The following COBL variants were observed in gnomAD, a reference collection of about 807,000 sequenced individuals.
The protein encoded by COBL is cordon-bleu WH2 repeat protein.
In COBL, 51 loss-of-function variants were observed where a neutral mutation model predicts 98.8. The observed-to-expected ratio is 0.52, with a 90% CI of 0.41 to 0.65. COBL has a LOEUF of 0.65. Ranked by LOEUF, COBL falls within the 30% of genes least tolerant of loss-of-function variation. The pLI is 0.00. For synonymous variants in COBL, 634 were observed against 651.7 expected, an observed-to-expected ratio of 0.97 and a Z score of 0.41; for missense variants, 1,617 against 1,617.5, an observed-to-expected ratio of 1.00 and a Z score of 0.01.
In COBL at chr7:51,096,483, T is replaced by G. The variant is rs187758583; in HGVS notation, c.958-11179A>C. ...ACTGAAAGAACAAATTAAACCAACA[T>G]TTAATAGAAAGATTAAGGCAGAAAT... is the stretch of plus-strand genomic sequence containing the variant. On this transcript the variant is annotated intron_variant, in intron 6 of 12. Coordinates refer to ENST00000265136, the MANE Select transcript of COBL (RefSeq NM_015198.5). Among the ~76,000 whole-genome samples the G allele has an allele frequency of 7.1e-3, 1,081 of 151,942 alleles. 12 individuals are homozygous for G. The highest frequency in any genetic ancestry group is 0.025 in the African/African-American group (1,049 of 41,468).
chr7:51,188,134 A>G (rs1230472332), intron 4 of COBL, among the ~76,000 whole-genome samples: 1 of 152,382 alleles, frequency 6.6e-6, no homozygotes, highest in South Asian at 2.1e-4. Flanking sequence ...CCACAGCTGC[A>G]TAGCCTGCTA....
chr7:51,074,862 G>A (rs1024950987), intron 7 of COBL, among the ~76,000 whole-genome samples: 29 of 152,244 alleles, frequency 1.9e-4, no homozygotes, highest in African/African-American at 6.7e-4. Flanking sequence ...CTTATATAAA[G>A]GATAAGTAGC....
In COBL at chr7:51,095,150, C is replaced by A. The variant is rs558274669; in HGVS notation, c.958-9846G>T. 4.0e-4 allele frequency among the ~76,000 whole-genome samples: 61 copies of A among 152,272 alleles called. 1 individual carries two copies. The South Asian group carries it at 8.9e-3, about 22-fold the overall frequency. ...GTTCCACATGGGTGGGGAGGCCTCA[C>A]AATCACAGTGGAAGGTGAATGAGGA... On this transcript the variant is annotated intron_variant, in intron 6 of 12. Coordinates refer to ENST00000265136, the MANE Select transcript of COBL (RefSeq NM_015198.5).
At chr7:51,083,264 T>A in intron 7 of COBL, 1 of 1,428,788 alleles carries the variant, frequency 7.0e-7, no homozygotes, top group Non-Finnish European at 9.1e-7. Flanking sequence ...TTCAGCAGGT[T>A]AAACCAAGCC....
At chr7:51,018,254 T>C (rs1218732375) in intron 12 of COBL, 1 of 120,928 alleles carries the variant, frequency 8.3e-6, no homozygotes, top group South Asian at 2.5e-4. Context: ...GTGGTGACGA[T>C]GGTGGTGGTG....
At chr7:51,293,409 C>A (rs1015690620) in intron 1 of COBL, among the ~76,000 whole-genome samples, 1 of 152,080 alleles carries the variant, frequency 6.6e-6, no homozygotes, top group Non-Finnish European at 1.5e-5. Context: ...GTATACTGTT[C>A]ATCAATAAAG....
At chr7:51,176,675 G>A (rs1788410578) in intron 5 of COBL, among the ~76,000 whole-genome samples, 2 of 152,212 alleles carry the variant, frequency 1.3e-5, no homozygotes, top group Non-Finnish European at 2.9e-5. Flanking sequence ...TTAGGCATAT[G>A]AGACAGATAA....
Position 51,150,956 on chromosome 7 carries a change from C to G in COBL, c.784-14625G>C, listed in dbSNP as rs190081055. Among the ~76,000 whole-genome samples, 245 of 152,218 alleles carry G rather than the reference C, an allele frequency of 1.6e-3. 5 individuals carry two copies. Among genetic ancestry groups the G allele is most frequent in the Admixed American group, 0.016 (240 of 15,284 alleles). On this transcript the variant is annotated intron_variant, in intron 5 of 12. Transcript: ENST00000265136. ...TCGCAGAGAGCCCCTTCTTCAGGAG[C>G]AAGAGTCACCTGCCCCCCTCCCCGC... is the stretch of plus-strand genomic sequence containing the variant.
chr7:51,063,736 AAAG>A (rs1791618468), intron 7 of COBL, among the ~76,000 whole-genome samples: 1 of 152,210 alleles, frequency 6.6e-6, no homozygotes, highest in South Asian at 2.1e-4. Context: ...CTTTTTTTAA[AAAG>A]AAGAAATCAA....
At chr7:51,187,785 G>A (rs801132) in intron 4 of COBL, 503,010 of 676,022 alleles carry the variant, frequency 0.74, 187,940 homozygotes, top group East Asian at 0.83. Flanking sequence ...GCACCTTCAG[G>A]AGGGCCCCAA....
At chr7:51,293,252 C>T (rs1801080267) in intron 1 of COBL, among the ~76,000 whole-genome samples, 2 of 152,206 alleles carry the variant, frequency 1.3e-5, no homozygotes, top group Non-Finnish European at 2.9e-5. Flanking sequence ...CATTCCACTC[C>T]TTGGTATTTA....
chr7:51,244,052 T>C (rs1474621119), intron 1 of COBL, among the ~76,000 whole-genome samples: 1 of 152,154 alleles, frequency 6.6e-6, no homozygotes, highest in Non-Finnish European at 1.5e-5. Flanking sequence ...GCTTTCCCCA[T>C]GTTGGTCCCT....
intron 1 of COBL, among the ~76,000 whole-genome samples, chr7:51,262,448 C>G (rs1320866106): frequency 6.6e-6 from 1 of 152,166 alleles, no homozygotes; most frequent in Non-Finnish European, 1.5e-5. Flanking sequence ...ACAAACAGTT[C>G]CACAGCGAGG....
At chr7:51,275,626 T>TGCCACCAGCCACCACCAGCC (rs1404723305) in intron 1 of COBL, among the ~76,000 whole-genome samples, 2 of 151,736 alleles carry the variant, frequency 1.3e-5, no homozygotes, top group Non-Finnish European at 2.9e-5. Context: ...TGGCATCAGC[T>TGCCACCAGCCACCACCAGCC]GCCACCAGCC....
At chr7:51,227,564 C>T (rs574167932) in intron 1 of COBL, among the ~76,000 whole-genome samples, 3 of 152,156 alleles carry the variant, frequency 2.0e-5, no homozygotes, top group African/African-American at 7.2e-5. Flanking sequence ...CCAGCAGGAG[C>T]TAGAAAAGAT....
intron 6 of COBL, among the ~76,000 whole-genome samples, chr7:51,107,084 G>GTTTTTTTT (rs202161212): frequency 9.1e-6 from 1 of 109,312 alleles, no homozygotes; most frequent in African/African-American, 3.4e-5. Flanking sequence ...TGTGATCCTA[G>GTTTTTTTT]TTTGTTTGTT....
intron 1 of COBL, among the ~76,000 whole-genome samples, chr7:51,310,554 G>A (rs900409210): frequency 2.6e-5 from 4 of 152,302 alleles, no homozygotes; most frequent in African/African-American, 4.8e-5. Flanking sequence ...GGGGATTCAG[G>A]TTCTTGGGCA....
chr7:51,245,774 A>G (rs1327450985), intron 1 of COBL, among the ~76,000 whole-genome samples: 2 of 152,218 alleles, frequency 1.3e-5, no homozygotes, highest in South Asian at 4.1e-4. Context: ...GCTGGGATTA[A>G]GTGATGTGAA....
intron 6 of COBL, among the ~76,000 whole-genome samples, chr7:51,091,526 T>C (rs1794808116): frequency 6.6e-6 from 1 of 152,068 alleles, no homozygotes; most frequent in Non-Finnish European, 1.5e-5. Context: ...TTAAGGACTT[T>C]ATGGGACAAT....
Sources: allele counts gnomAD v4.1 joint callset (sites outside exome capture counted in the v4.1 genomes callset), GRCh38; gene constraint gnomAD v4.1.1; transcripts MANE v1.5; gene names NCBI Gene and HGNC (gene_info 2026-07-23, HGNC 2026-07-21).